Variants in DNAAF4 observed in about 807,000 individuals in gnomAD.
DNAAF4 encodes the protein dynein axonemal assembly factor 4.
In DNAAF4, 43 loss-of-function variants were observed where a neutral mutation model predicts 51.8. The observed-to-expected ratio is 0.83, with a 90% CI of 0.65 to 1.07. DNAAF4 has a LOEUF of 1.07. DNAAF4 is among the 50% of genes least tolerant of loss of function. The pLI is 0.00. For missense variants in DNAAF4, 581 were observed against 493.0 expected (o/e 1.18, Z -1.69); for synonymous variants, 194 against 165.6 (o/e 1.17, Z -1.32).
At chr15:55,489,237 T>C (rs1054818824) in intron 4 of DNAAF4, among the ~76,000 whole-genome samples, 1 of 152,172 alleles carries the variant, frequency 6.6e-6, no homozygotes, top group Non-Finnish European at 1.5e-5. Flanking sequence ...TTGCCACAAA[T>C]TCTATATTAA....
chr15:55,494,218 G>A (rs889527785), intron 3 of DNAAF4, among the ~76,000 whole-genome samples: 4 of 151,676 alleles, frequency 2.6e-5, no homozygotes, highest in Admixed American at 6.6e-5. Flanking sequence ...TAGTAGAGAC[G>A]GGGTTTCTCC....
chr15:55,457,418 G>A (rs563905606), intron 5 of DNAAF4, among the ~76,000 whole-genome samples: 45 of 152,242 alleles, frequency 3.0e-4, no homozygotes, highest in Middle Eastern at 3.4e-3. Flanking sequence ...AGGGGAGCCT[G>A]AGCCCAGACC....
chr15:55,471,183 C>T (rs2058250196), intron 4 of DNAAF4, among the ~76,000 whole-genome samples: 1 of 152,080 alleles, frequency 6.6e-6, no homozygotes, highest in African/African-American at 2.4e-5. Flanking sequence ...AAGTCAGTCT[C>T]CAGCCCCTAT....
intron 9 of DNAAF4, among the ~76,000 whole-genome samples, chr15:55,431,167 C>T (rs1332352291): frequency 1.3e-5 from 2 of 152,108 alleles, no homozygotes; most frequent in Non-Finnish European, 2.9e-5. Flanking sequence ...CCCACCTTGG[C>T]CTCCCAAAGT....
At chr15:55,506,322 A>T (rs982693494) in intron 1 of DNAAF4, among the ~76,000 whole-genome samples, 7 of 152,204 alleles carry the variant, frequency 4.6e-5, no homozygotes, top group Non-Finnish European at 1.5e-5. Flanking sequence ...ACTCCTATGT[A>T]TCTATCTTAG....
In DNAAF4 at chr15:55,498,593, G is replaced by GAAAAAAAAAAAAAAAAAAAAAAAAA. The variant is rs3049057; in HGVS notation, c.-255-10_-255-9insTTTTTTTTTTTTTTTTTTTTTTTTT. The GAAAAAAAAAAAAAAAAAAAAAAAAA allele has an allele frequency of 2.7e-5, 2 of 74,628 alleles. No individual in the cohort carries two copies. Among genetic ancestry groups the GAAAAAAAAAAAAAAAAAAAAAAAAA allele is most frequent in the African/African-American group, 1.2e-4 (2 of 17,200 alleles). 4.6% of individuals were successfully genotyped at this position (74,628 alleles called of 1,614,324 possible). A position where few individuals can be genotyped will look rare whatever the true frequency, so the allele number is the denominator to read the frequency against. ...AAGTAGACCCATACCCTCTGCTTGAGAAAAAAAAAAAAAAAAAAAAGCACT... is the reference window on the plus strand; with the variant it reads ...AAGTAGACCCATACCCTCTGCTTGAGAAAAAAAAAAAAAAAAAAAAAAAAAAAAAAAAAAAAAAAAAAAAAGCACT... On this transcript the variant is annotated splice_polypyrimidine_tract_variant and intron_variant, in intron 1 of 9. Transcript: ENST00000321149.
At chr15:55,482,480 C>G (rs147819832) in intron 4 of DNAAF4, among the ~76,000 whole-genome samples, 8,230 of 152,028 alleles carry the variant, frequency 0.054, 313 homozygotes, top group South Asian at 0.097. Context: ...AGTTAGAGAC[C>G]AGCCTGGCTA....
rs144827921 is a variant in DNAAF4, at chr15:55,497,271, G to T, written c.271+441C>A. On this transcript the variant is annotated intron_variant, in intron 3 of 9. Transcript: ENST00000321149. ...CCTTCTGTTGTTAGTTTATTTTATA[G>T]ACCCAGCTATTGAACCTTGGAGAGT... 5.2e-3 allele frequency among the ~76,000 whole-genome samples: 785 copies of T among 151,980 alleles called. 10 individuals carry two copies. Among genetic ancestry groups the T allele is most frequent in the African/African-American group, 0.018 (753 of 41,422 alleles).
intron 4 of DNAAF4, among the ~76,000 whole-genome samples, chr15:55,485,608 T>A (rs1199972754): frequency 6.6e-6 from 1 of 151,944 alleles, no homozygotes; most frequent in African/African-American, 2.4e-5. Flanking sequence ...AAGAGTTCCA[T>A]TGAAGCGGAA....
chr15:55,507,719 T>C (rs756172294), intron 1 of DNAAF4, among the ~76,000 whole-genome samples: 9 of 152,242 alleles, frequency 5.9e-5, no homozygotes, highest in Non-Finnish European at 1.0e-4. Context: ...GGGATGCACA[T>C]TGTGTCTCAC....
At chr15:55,419,615 TGA>T (rs1227340101) in intron 7 of DNAAF4, among the ~76,000 whole-genome samples, 3 of 152,184 alleles carry the variant, frequency 2.0e-5, no homozygotes, top group African/African-American at 7.2e-5. Flanking sequence ...ATTGATAGAT[TGA>T]GCAAATATTT....
intron 1 of DNAAF4, among the ~76,000 whole-genome samples, chr15:55,505,697 G>T (rs12595149): frequency 6.6e-6 from 1 of 151,188 alleles, no homozygotes; most frequent in Non-Finnish European, 1.5e-5. Flanking sequence ...GTTCTCACTC[G>T]TAAGTGGGAG....
intron 5 of DNAAF4, among the ~76,000 whole-genome samples, chr15:55,463,419 C>CT (rs1446714547): frequency 6.6e-6 from 1 of 152,010 alleles, no homozygotes; most frequent in East Asian, 1.9e-4. Context: ...TAACAGAGTA[C>CT]TGGAAGTCCT....
intron 3 of DNAAF4, chr15:55,495,204 T>TAAAAAAAAAA (rs35527257): frequency 2.8e-5 from 2 of 72,524 alleles, no homozygotes; most frequent in Non-Finnish European, 5.7e-5. Context: ...TGGGGCTCAC[T>TAAAAAAAAAA]AAAAAAAAAA....
At chr15:55,466,640 T>C (rs1330509257) in intron 5 of DNAAF4, among the ~76,000 whole-genome samples, 1 of 152,140 alleles carries the variant, frequency 6.6e-6, no homozygotes, top group African/African-American at 2.4e-5. Flanking sequence ...TTTTTGGGCC[T>C]GAGTTAAGCA....
At chr15:55,500,915 C>T (rs1166047135) in intron 1 of DNAAF4, among the ~76,000 whole-genome samples, 1 of 149,066 alleles carries the variant, frequency 6.7e-6, no homozygotes, top group East Asian at 2.0e-4. Context: ...TTGCTTGAAC[C>T]CAGGAGGCAG....
At chr15:55,419,128 G>C (rs902327022) in intron 7 of DNAAF4, among the ~76,000 whole-genome samples, 1 of 152,116 alleles carries the variant, frequency 6.6e-6, no homozygotes, top group East Asian at 1.9e-4. Context: ...CTGTTAGCTA[G>C]GATGGTCTCA....
intron 4 of DNAAF4, among the ~76,000 whole-genome samples, chr15:55,477,482 G>A (rs8026321): frequency 1.3e-5 from 2 of 151,084 alleles, no homozygotes; most frequent in South Asian, 4.2e-4. Context: ...AGACCAAAGG[G>A]AGGAGTAGAA....
At chr15:55,434,000 T>TATATATATTATATATATTCTTATATATA (rs2057565996) in intron 8 of DNAAF4, among the ~76,000 whole-genome samples, 6 of 54,424 alleles carry the variant, frequency 1.1e-4, no homozygotes, top group South Asian at 4.8e-4. Context: ...TATATAATAT[T>TATATATATTATATATATTCTTATATATA]ATATATATTA....
Sources: gnomAD v4.1 joint callset for allele counts (sites outside exome capture counted in the v4.1 genomes callset) on GRCh38, gnomAD v4.1.1 for gene constraint, MANE v1.5 for transcripts, NCBI Gene and HGNC (gene_info 2026-07-23, HGNC 2026-07-21) for gene names.